The following TLN2 variants were observed in gnomAD, a reference collection of about 807,000 sequenced individuals.
TLN2 encodes the protein talin-2.
Under a neutral mutation model 294.7 loss-of-function variants are expected in TLN2, and 118 were observed. That is an observed-to-expected ratio of 0.40 (90% CI 0.34 to 0.47). The LOEUF (loss-of-function observed/expected upper bound fraction) is 0.47, where lower values mean the gene tolerates loss of function less well. Among genes scored for constraint, TLN2 ranks in the 20% least tolerant of loss-of-function variants. The probability of loss-of-function intolerance (pLI) is 0.84; values close to 1 mark genes in which losing one functional copy is unlikely to be tolerated. For missense variants in TLN2, 3,083 were observed against 3,282.2 expected (o/e 0.94, Z 1.48); for synonymous variants, 1,431 against 1,304.5 (o/e 1.10, Z -2.09).
At chr15:62,580,338 T>C (rs2044824905) in intron 1 of TLN2, among the ~76,000 whole-genome samples, 1 of 152,100 alleles carries the variant, frequency 6.6e-6, no homozygotes, top group South Asian at 2.1e-4. Flanking sequence ...TGAACCTATA[T>C]TGACAAATCA....
At chr15:62,690,774 G>A (rs962545265) in intron 12 of TLN2, among the ~76,000 whole-genome samples, 1 of 151,042 alleles carries the variant, frequency 6.6e-6, no homozygotes, top group African/African-American at 2.5e-5. Context: ...ACCTCGGGAG[G>A]CCGAGGCTGG....
intron 1 of TLN2, among the ~76,000 whole-genome samples, chr15:62,506,862 A>G (rs1210922796): frequency 6.6e-6 from 1 of 152,216 alleles, no homozygotes; most frequent in Non-Finnish European, 1.5e-5. Flanking sequence ...TAGAAATTTT[A>G]CCAGGAAAGC....
At position 62,835,899 on chromosome 15, in the gene TLN2, G is replaced by A. The variant is rs1455880366; in HGVS notation, c.7200G>A (p.Met2400Ile). The change falls in exon 57 of 59, where the codon ATG becomes ATA. Residue 2400 changes from methionine to isoleucine, a missense_variant. Coordinates refer to ENST00000636159, the MANE Select transcript of TLN2 (RefSeq NM_015059.3). ...WSQGLISAARMVAAATSSLCE... is the reference protein window; with the variant it reads ...WSQGLISAARIVAAATSSLCE... ...CCGTTGACTGTCCCCAGGCCCGGAT[G>A]GTGGCGGCTGCGACCAGCAGTCTCT... The A allele has an allele frequency of 6.2e-7, 1 of 1,614,178 alleles. No homozygotes were observed. The highest frequency in any genetic ancestry group is 1.7e-5 in the Admixed American group (1 of 60,026).
intron 2 of TLN2, among the ~76,000 whole-genome samples, chr15:62,610,874 G>A (rs12906169): frequency 0.19 from 28,483 of 152,156 alleles, 3,286 homozygotes; most frequent in East Asian, 0.42. Flanking sequence ...CTGCTGCAGG[G>A]CACACGCACG....
intron 15 of TLN2, among the ~76,000 whole-genome samples, chr15:62,698,489 C>A (rs769486200): frequency 6.6e-6 from 1 of 152,210 alleles, no homozygotes; most frequent in East Asian, 1.9e-4. Flanking sequence ...CTCTTCTGAG[C>A]CTTCTTGTCA....
intron 12 of TLN2, among the ~76,000 whole-genome samples, chr15:62,691,478 TA>T (rs1352522024): frequency 2.0e-5 from 3 of 152,212 alleles, no homozygotes; most frequent in Admixed American, 6.5e-5. Context: ...TTGAACTTTT[TA>T]TTCTTTAAAA....
chr15:62,560,493 A>G (rs1328613415), intron 1 of TLN2, among the ~76,000 whole-genome samples: 1 of 152,068 alleles, frequency 6.6e-6, no homozygotes, highest in Non-Finnish European at 1.5e-5. Flanking sequence ...TGCCCAGCTA[A>G]TTTTTGTATT....
At chr15:62,642,281 A>G (rs895385212) in intron 3 of TLN2, among the ~76,000 whole-genome samples, 1 of 152,276 alleles carries the variant, frequency 6.6e-6, no homozygotes, top group African/African-American at 2.4e-5. Context: ...CGGGTAAACG[A>G]AAAATGAACA....
rs1224030363 is a variant in TLN2 at position 62,840,670 on chromosome 15, G to C, written c.*60G>C. 2 of 1,565,330 alleles carry C rather than the reference G, an allele frequency of 1.3e-6. No individual in the cohort carries two copies. Among genetic ancestry groups the C allele is most frequent in the East Asian group, 4.5e-5 (2 of 44,268 alleles). On this transcript the variant is annotated 3_prime_UTR_variant, in exon 59 of 59. Transcript: ENST00000636159. ...GCCCTGGCTGAACTGGACAGACAGT[G>C]TTCCTGAGAGGCTGGGCACTTAGCT... is the stretch of plus-strand genomic sequence containing the variant.
At chr15:62,648,404 CAAAAAAAAAAAA>C (rs66528062) in intron 4 of TLN2, among the ~76,000 whole-genome samples, 5 of 61,894 alleles carry the variant, frequency 8.1e-5, no homozygotes, top group Admixed American at 2.3e-4. Flanking sequence ...GACCCTGACT[CAAAAAAAAAAAA>C]AAAAAAAAAA....
intron 2 of TLN2, among the ~76,000 whole-genome samples, chr15:62,598,798 G>C (rs914373647): frequency 1.3e-5 from 2 of 151,946 alleles, no homozygotes; most frequent in Non-Finnish European, 1.5e-5. Context: ...ATGGTGGTCT[G>C]AATAAATCTT....
At chr15:62,663,165 A>G (rs1393980816) in intron 9 of TLN2, among the ~76,000 whole-genome samples, 1 of 152,130 alleles carries the variant, frequency 6.6e-6, no homozygotes, top group East Asian at 1.9e-4. Flanking sequence ...ACACGTTTTC[A>G]CAGTAGAAAA....
At chr15:62,587,444 C>A (rs543300539) in intron 1 of TLN2, among the ~76,000 whole-genome samples, 25 of 152,258 alleles carry the variant, frequency 1.6e-4, no homozygotes, top group Non-Finnish European at 1.5e-5. Context: ...TCCAAGAATA[C>A]ACACACACAA....
chr15:62,773,683 C>T lies in TLN2; in HGVS notation c.5367+2549C>T, dbSNP rs184267793. Among the ~76,000 whole-genome samples the T allele has an allele frequency of 1.2e-4, 19 of 152,258 alleles. No individual in the cohort carries two copies. In the East Asian group the frequency reaches 3.5e-3, roughly 28 times the overall value. On this transcript the variant is annotated intron_variant, in intron 42 of 58. Transcript: ENST00000636159. ...AGGTTTGTCAAATAGTTATGGGTAG[C>T]TTTGATACGGTGAAAAATAGCACAA...
intron 1 of TLN2, among the ~76,000 whole-genome samples, chr15:62,509,655 T>C (rs1457868904): frequency 6.6e-6 from 1 of 152,192 alleles, no homozygotes; most frequent in African/African-American, 2.4e-5. Context: ...CCCCTCCTTG[T>C]AACGTCTCAC....
intron 1 of TLN2, among the ~76,000 whole-genome samples, chr15:62,538,200 GC>G (rs2041472135): frequency 6.6e-6 from 1 of 151,892 alleles, no homozygotes; most frequent in Non-Finnish European, 1.5e-5. Context: ...CAGAGCCTGG[GC>G]AACAGAGTGA....
chr15:62,700,575 A>G (rs1388704169), intron 16 of TLN2, among the ~76,000 whole-genome samples: 1 of 152,168 alleles, frequency 6.6e-6, no homozygotes, highest in Non-Finnish European at 1.5e-5. Flanking sequence ...CCATCCCCTC[A>G]TCTTACCAGG....
At chr15:62,464,079 A>G (rs1407312720) in intron 1 of TLN2, among the ~76,000 whole-genome samples, 1 of 152,222 alleles carries the variant, frequency 6.6e-6, no homozygotes, top group Non-Finnish European at 1.5e-5. Flanking sequence ...CACTGGGTAT[A>G]TGCAAAGGAT....
intron 42 of TLN2, among the ~76,000 whole-genome samples, chr15:62,774,630 A>G (rs752445021): frequency 6.6e-6 from 1 of 152,192 alleles, no homozygotes; most frequent in Non-Finnish European, 1.5e-5. Context: ...ACCCTCTAAG[A>G]ATCTGTGAAA....
Sources: gnomAD v4.1 joint callset for allele counts (sites outside exome capture counted in the v4.1 genomes callset) on GRCh38, gnomAD v4.1.1 for gene constraint, MANE v1.5 for transcripts, NCBI Gene and HGNC (gene_info 2026-07-23, HGNC 2026-07-21) for gene names.